The following MAP4K5 variants were observed in gnomAD, a reference collection of about 807,000 sequenced individuals.
MAP4K5 encodes MAPK/ERK kinase kinase kinase 5.
A neutral mutation model predicts 135.6 loss-of-function variants in MAP4K5; 82 were observed. That is an observed-to-expected ratio of 0.60 (90% confidence interval 0.51 to 0.73). The LOEUF is 0.73. Ranked by LOEUF, MAP4K5 falls within the 30% of genes least tolerant of loss-of-function variation. The pLI, the probability that MAP4K5 is intolerant of heterozygous loss-of-function variation, is 0.00. For missense variants in MAP4K5, 907 were observed against 1,010.9 expected, an observed-to-expected ratio of 0.90 and a Z score of 1.39; for synonymous variants, 347 against 335.0, an observed-to-expected ratio of 1.04 and a Z score of -0.39.
intron 27 of MAP4K5, 53 bp downstream of exon 27, chr14:50,434,909 G>T: frequency 9.1e-7 from 1 of 1,094,804 alleles, no homozygotes; most frequent in Non-Finnish European, 1.4e-6. Context: ...TTTAGCTTCA[G>T]TTATACACTA....
chr14:50,510,542 G>A (rs1301766894), intron 2 of MAP4K5, among the ~76,000 whole-genome samples: 6 of 152,250 alleles, frequency 3.9e-5, no homozygotes, highest in Non-Finnish European at 7.4e-5. Context: ...GTTGTAGGAA[G>A]GTTATTGCTC....
At chr14:50,461,755 C>T (rs189503669) in intron 13 of MAP4K5, among the ~76,000 whole-genome samples, 2 of 152,032 alleles carry the variant, frequency 1.3e-5, no homozygotes, top group African/African-American at 4.8e-5. Flanking sequence ...CCTGTCTCTA[C>T]TAAAAATACA....
intron 1 of MAP4K5, among the ~76,000 whole-genome samples, chr14:50,554,999 G>T (rs906087566): frequency 5.9e-5 from 9 of 152,278 alleles, no homozygotes; most frequent in African/African-American, 2.2e-4. Context: ...TTTAGTATTA[G>T]ACCCCAAAAT....
At chr14:50,479,988 T>C (rs2037200183) in intron 6 of MAP4K5, among the ~76,000 whole-genome samples, 1 of 152,152 alleles carries the variant, frequency 6.6e-6, no homozygotes, top group East Asian at 1.9e-4. Context: ...TTCAGTTTCT[T>C]GAAAATCACT....
At chr14:50,444,531 T>C (rs949932827) in intron 18 of MAP4K5, among the ~76,000 whole-genome samples, 11 of 152,028 alleles carry the variant, frequency 7.2e-5, no homozygotes, top group Non-Finnish European at 1.5e-4. Flanking sequence ...GGCGGATCAC[T>C]TGAGCCCAGG....
At chr14:50,457,366 A>G (rs2036614302) in intron 13 of MAP4K5, among the ~76,000 whole-genome samples, 1 of 152,200 alleles carries the variant, frequency 6.6e-6, no homozygotes. Flanking sequence ...GGATACAGGG[A>G]GATTGAGTAA....
Position 50,542,346 on chromosome 14 carries a change from G to A in MAP4K5, c.-94+153C>T, listed in dbSNP as rs1195377756. Reference sequence around the variant, plus strand: ...ACTAGGACAAATACCTAATGCATACGGGACTTAAAACCTAAATGACAGGTT... The same window carrying A: ...ACTAGGACAAATACCTAATGCATACAGGACTTAAAACCTAAATGACAGGTT... On this transcript the variant is annotated intron_variant, in intron 2 of 8. Transcript: ENST00000555216. Among the ~76,000 whole-genome samples, 7 of 152,010 alleles carry A rather than the reference G, an allele frequency of 4.6e-5. No homozygotes were observed. The East Asian group carries it at 1.4e-3, about 29-fold the overall frequency.
At chr14:50,510,764 C>T (rs1006344444) in intron 2 of MAP4K5, among the ~76,000 whole-genome samples, 4 of 152,010 alleles carry the variant, frequency 2.6e-5, no homozygotes, top group Admixed American at 6.6e-5. Flanking sequence ...ATGACAGTCC[C>T]TCTCCATCCC....
At chr14:50,559,294 G>T (rs1435067869) in intron 1 of MAP4K5, 1 of 152,244 alleles carries the variant, frequency 6.6e-6, no homozygotes. Context: ...ATGGCAGAAG[G>T]AAACTGTAAG....
At chr14:50,474,284 G>A (rs1321192782) in intron 9 of MAP4K5, among the ~76,000 whole-genome samples, 4 of 151,552 alleles carry the variant, frequency 2.6e-5, no homozygotes, top group African/African-American at 7.3e-5. Context: ...CAGCTATTTC[G>A]GGGGCTGAAA....
chr14:50,499,324 T>C (rs12587126), intron 3 of MAP4K5, among the ~76,000 whole-genome samples: 31,143 of 151,968 alleles, frequency 0.2, 3,830 homozygotes, highest in East Asian at 0.53. Flanking sequence ...ATAATACTTA[T>C]ATAGAACTAA....
chr14:50,522,558 G>A (rs1277432285), intron 2 of MAP4K5, among the ~76,000 whole-genome samples: 9 of 151,908 alleles, frequency 5.9e-5, no homozygotes, highest in African/African-American at 1.9e-4. Context: ...TTTTATTTTC[G>A]CAGTGACCTT....
At chr14:50,463,958 T>A in intron 12 of MAP4K5, 94 bp downstream of exon 12, 2 of 537,632 alleles carry the variant, frequency 3.7e-6, no homozygotes, top group Non-Finnish European at 6.2e-6. Context: ...AAGAGATCAC[T>A]AACATTTTTA....
At chr14:50,474,660 T>C (rs147977526) in intron 9 of MAP4K5, among the ~76,000 whole-genome samples, 5 of 152,190 alleles carry the variant, frequency 3.3e-5, no homozygotes, top group African/African-American at 7.2e-5. Context: ...GATGGGTCAA[T>C]AGGTGCAGCA....
intron 2 of MAP4K5, chr14:50,505,135 G>C (rs958521781): frequency 7.5e-6 from 2 of 267,992 alleles, no homozygotes; most frequent in African/African-American, 2.2e-5. Context: ...TCAGCCTCGG[G>C]TTAGTTAATA....
intron 4 of MAP4K5, 38 bp from the exon 5 acceptor site, chr14:50,485,680 A>T (rs1392561904): frequency 7.9e-7 from 1 of 1,266,592 alleles, no homozygotes; most frequent in Non-Finnish European, 1.1e-6. Flanking sequence ...TTAGCTAGTA[A>T]TTTTCAATCA....
chr14:50,438,509 A>G (rs957402771), intron 23 of MAP4K5: 1 of 155,346 alleles, frequency 6.4e-6, no homozygotes, highest in African/African-American at 2.4e-5. Flanking sequence ...AGTAAAACCA[A>G]CCAATATTAT....
At chr14:50,558,401 T>TA (rs1357223906) in intron 1 of MAP4K5, among the ~76,000 whole-genome samples, 1 of 152,168 alleles carries the variant, frequency 6.6e-6, no homozygotes, top group Non-Finnish European at 1.5e-5. Context: ...AGCCTCCATT[T>TA]AAAAAATCAC....
At chr14:50,517,523 T>C (rs2038058697) in intron 2 of MAP4K5, among the ~76,000 whole-genome samples, 1 of 151,632 alleles carries the variant, frequency 6.6e-6, no homozygotes, top group African/African-American at 2.4e-5. Flanking sequence ...ATCTCAGCAC[T>C]TTGGGAGGCC....
Sources: allele counts gnomAD v4.1 joint callset (sites outside exome capture counted in the v4.1 genomes callset), GRCh38; gene constraint gnomAD v4.1.1; transcripts MANE v1.5; gene names NCBI Gene and HGNC (gene_info 2026-07-23, HGNC 2026-07-21).